Variants in PCSK5 observed in about 807,000 individuals in gnomAD.
The protein encoded by PCSK5 is proprotein convertase subtilisin/kexin type 5, also known as prohormone convertase 5.
Under a neutral mutation model 233.2 loss-of-function variants are expected in PCSK5, and 129 were observed. The observed-to-expected ratio is 0.55, with a 90% confidence interval of 0.48 to 0.64. The LOEUF (loss-of-function observed/expected upper bound fraction) is 0.64, where lower values mean the gene tolerates loss of function less well. PCSK5 is among the 30% of genes least tolerant of loss of function. PCSK5 has a pLI of 0.00. For missense variants in PCSK5, 2,076 were observed against 2,430.1 expected, an observed-to-expected ratio of 0.85 and a Z score of 3.06; for synonymous variants, 825 against 879.2, an observed-to-expected ratio of 0.94 and a Z score of 1.09.
At chr9:76,243,481 G>T (rs527916498) in intron 24 of PCSK5, among the ~76,000 whole-genome samples, 2 of 152,198 alleles carry the variant, frequency 1.3e-5, no homozygotes, top group South Asian at 4.2e-4. Context: ...ATTCTAAAAT[G>T]CCCTTAATTT....
intron 34 of PCSK5, among the ~76,000 whole-genome samples, chr9:76,336,920 C>T (rs561507009): frequency 6.6e-6 from 1 of 151,934 alleles, no homozygotes; most frequent in African/African-American, 2.4e-5. Context: ...CTACCACACT[C>T]TAGTGTCTCA....
intron 24 of PCSK5, among the ~76,000 whole-genome samples, chr9:76,281,960 G>A (rs1827879696): frequency 6.6e-6 from 1 of 151,934 alleles, no homozygotes; most frequent in South Asian, 2.1e-4. Context: ...AAGTCTTACT[G>A]AGAAAGACAC....
At chr9:76,304,446 A>G (rs192407710) in intron 28 of PCSK5, among the ~76,000 whole-genome samples, 2 of 152,350 alleles carry the variant, frequency 1.3e-5, no homozygotes, top group Admixed American at 1.3e-4. Context: ...GGGAAGGAAG[A>G]GGGGAGTAAA....
chr9:76,311,682 C>G (rs1407245962), intron 30 of PCSK5, among the ~76,000 whole-genome samples: 1 of 152,208 alleles, frequency 6.6e-6, no homozygotes, highest in Non-Finnish European at 1.5e-5. Context: ...AGTAAAATGA[C>G]TGAGACATAA....
At chr9:76,205,814 A>C (rs1349912987) in intron 20 of PCSK5, among the ~76,000 whole-genome samples, 2 of 152,074 alleles carry the variant, frequency 1.3e-5, no homozygotes, top group Admixed American at 6.6e-5. Flanking sequence ...AGAATTTCTG[A>C]CTCTGTGCTG....
intron 1 of PCSK5, among the ~76,000 whole-genome samples, chr9:75,900,014 T>G (rs1312232801): frequency 6.6e-6 from 1 of 152,188 alleles, no homozygotes; most frequent in Non-Finnish European, 1.5e-5. Context: ...AATGCTTGAT[T>G]GAATAGTGGA....
chr9:76,224,983 A>C (rs73650497), intron 20 of PCSK5, among the ~76,000 whole-genome samples: 2,065 of 152,294 alleles, frequency 0.014, 44 homozygotes, highest in African/African-American at 0.046. Flanking sequence ...TTTAGTTTAA[A>C]ATCCTATCCT....
chr9:76,336,090 G>A (rs1587347198), intron 34 of PCSK5, among the ~76,000 whole-genome samples: 1 of 152,002 alleles, frequency 6.6e-6, no homozygotes, highest in African/African-American at 2.4e-5. Flanking sequence ...GCTCATCATC[G>A]CCTTGTCTCT....
Position 76,166,339 on chromosome 9 carries a change from A to G in PCSK5, c.1620-3365A>G, listed in dbSNP as rs1272879435. 2.0e-5 allele frequency among the ~76,000 whole-genome samples: 3 copies of G among 152,336 alleles called. No homozygotes were observed. In the East Asian group the frequency reaches 5.8e-4, roughly 29 times the overall value. The stretch of plus-strand genomic sequence containing the variant: ...AGAGCTCATTTATGTTTGGGCTTTG[A>G]AACACTTACTTGAATTCTGATTTGT... On this transcript the variant is annotated intron_variant, in intron 12 of 37. Coordinates refer to ENST00000674117, the MANE Select transcript of PCSK5 (RefSeq NM_001372043.1).
rs1160477110 is a variant in PCSK5, at chr9:76,332,488, C to A, written c.4626C>A (p.Asn1542Lys). The A allele has an allele frequency of 6.2e-7, 1 of 1,612,540 alleles. No individual in the cohort carries two copies. The highest frequency in any genetic ancestry group is 8.5e-7 in the Non-Finnish European group (1 of 1,179,552). The stretch of plus-strand genomic sequence containing the variant: ...GCTATTATGCCGATGAGGACAGCAA[C>A]CGGTGTGCCCACTGCCACAGCTCTT... ...PEGYYADEDS[N>K]RCAHCHSSCR... Residue 1542 changes from asparagine (N) to lysine (K), a missense_variant, in exon 34 of 38, where the codon AAC becomes AAA. Around this residue, in one of 6 missense-constraint regions of PCSK5, gnomAD observed 1,510 missense variants for 1,538.1 expected, o/e 0.98. Transcript: ENST00000674117.
intron 35 of PCSK5, among the ~76,000 whole-genome samples, chr9:76,350,055 A>G (rs1830077169): frequency 6.6e-6 from 1 of 151,712 alleles, no homozygotes; most frequent in Non-Finnish European, 1.5e-5. Flanking sequence ...AGACAAGAGG[A>G]TCCCTTGAGT....
At chr9:75,968,383 C>T (rs1825684445) in intron 2 of PCSK5, among the ~76,000 whole-genome samples, 1 of 152,320 alleles carries the variant, frequency 6.6e-6, no homozygotes, top group South Asian at 2.1e-4. Context: ...ATTCAGCAAA[C>T]ATGTATTGCA....
chr9:76,165,808 T>C (rs1045016555), intron 12 of PCSK5, among the ~76,000 whole-genome samples: 1 of 152,234 alleles, frequency 6.6e-6, no homozygotes, highest in Admixed American at 6.5e-5. Context: ...ATGTGTCTGA[T>C]CTCTTCACTG....
intron 14 of PCSK5, among the ~76,000 whole-genome samples, chr9:76,178,372 G>A (rs976493489): frequency 9.9e-5 from 15 of 152,182 alleles, no homozygotes; most frequent in African/African-American, 3.1e-4. Context: ...TCCCTAGTAC[G>A]TGATTTGCTA....
intron 36 of PCSK5, 32 bp from the exon 37 acceptor site, chr9:76,354,001 C>T: frequency 6.5e-7 from 1 of 1,539,516 alleles, no homozygotes; most frequent in Non-Finnish European, 8.9e-7. Context: ...TCCCTTTACA[C>T]TCAAAAGGAA....
At chr9:76,279,287 C>T (rs933872693) in intron 24 of PCSK5, among the ~76,000 whole-genome samples, 6 of 150,084 alleles carry the variant, frequency 4.0e-5, no homozygotes, top group Non-Finnish European at 7.4e-5. Flanking sequence ...GTACATGTGC[C>T]ACATTTTCTT....
At chr9:76,134,290 G>A in intron 10 of PCSK5, 78 bp downstream of exon 10, 1 of 834,090 alleles carries the variant, frequency 1.2e-6, no homozygotes, top group Non-Finnish European at 1.9e-6. Context: ...GCAGGAAACA[G>A]AACCCCTCAA....
chr9:76,091,439 C>T (rs1227103775), intron 7 of PCSK5, among the ~76,000 whole-genome samples: 1 of 152,180 alleles, frequency 6.6e-6, no homozygotes, highest in Non-Finnish European at 1.5e-5. Flanking sequence ...GCTTAATTGC[C>T]TCACTGAAAA....
intron 6 of PCSK5, 67 bp from the exon 7 acceptor site, chr9:76,071,659 A>T: frequency 7.7e-7 from 1 of 1,300,688 alleles, no homozygotes; most frequent in Non-Finnish European, 1.1e-6. Flanking sequence ...AGAATCCTGC[A>T]GCTCTGTTCT....
Sources: allele counts gnomAD v4.1 joint callset (sites outside exome capture counted in the v4.1 genomes callset), GRCh38; gene constraint gnomAD v4.1.1; regional missense constraint gnomAD v4.1.1; transcripts MANE v1.5; gene names NCBI Gene and HGNC (gene_info 2026-07-23, HGNC 2026-07-21).